Variants in ARB2A observed in about 807,000 individuals in gnomAD.
ARB2A encodes the protein cotranscriptional regulator ARB2A.
chr5:93,986,764 A>G, the ARB2A span, among the ~76,000 whole-genome samples: 1 of 152,198 alleles, frequency 6.6e-6, no homozygotes, highest in Non-Finnish European at 1.5e-5. Flanking sequence ...TCAGGGTTAA[A>G]TGGATTAAGG....
chr5:93,849,947 T>G, the ARB2A span, among the ~76,000 whole-genome samples: 1 of 152,200 alleles, frequency 6.6e-6, no homozygotes, highest in Admixed American at 6.5e-5. Context: ...TATTTGATAT[T>G]GTGCAAAATG....
chr5:93,868,295 G>A, the ARB2A span, among the ~76,000 whole-genome samples: 1 of 152,200 alleles, frequency 6.6e-6, no homozygotes, highest in African/African-American at 2.4e-5. Flanking sequence ...ACTCCAGCCT[G>A]GGTGACAGGA....
chr5:93,829,404 C>A, the ARB2A span, among the ~76,000 whole-genome samples: 1 of 152,190 alleles, frequency 6.6e-6, no homozygotes, highest in African/African-American at 2.4e-5. Context: ...CCCTACTTGT[C>A]TTCAGTACTG....
the ARB2A span, among the ~76,000 whole-genome samples, chr5:94,068,900 T>C: frequency 2.1e-5 from 3 of 144,760 alleles, no homozygotes; most frequent in Non-Finnish European, 4.5e-5. Flanking sequence ...CCAGGTGTGG[T>C]GGTGGGCACC....
At chr5:93,958,596 C>A in the ARB2A span, among the ~76,000 whole-genome samples, 10 of 151,962 alleles carry the variant, frequency 6.6e-5, no homozygotes, top group Non-Finnish European at 1.5e-4. Context: ...CTCAAGATGC[C>A]ACTTTGTGTT....
chr5:93,696,107 C>G, the ARB2A span, among the ~76,000 whole-genome samples: 1 of 152,012 alleles, frequency 6.6e-6, no homozygotes, highest in South Asian at 2.1e-4. Flanking sequence ...ATGGGTGCAG[C>G]AAACCACCGT....
At chr5:94,045,787 T>C in the ARB2A span, among the ~76,000 whole-genome samples, 7 of 152,236 alleles carry the variant, frequency 4.6e-5, no homozygotes, top group African/African-American at 1.7e-4. Flanking sequence ...GCATAAGAGA[T>C]ATACAGTAAA....
the ARB2A span, among the ~76,000 whole-genome samples, chr5:94,079,536 C>T: frequency 0.03 from 4,493 of 152,242 alleles, 207 homozygotes; most frequent in African/African-American, 0.1. Context: ...TTCTTCTATT[C>T]TACCATGTTG....
At chr5:93,895,364 A>T in the ARB2A span, among the ~76,000 whole-genome samples, 1 of 152,226 alleles carries the variant, frequency 6.6e-6, no homozygotes, top group Non-Finnish European at 1.5e-5. Context: ...ATTTGAAAAG[A>T]ACTTGAACAT....
At chr5:94,092,798 T>C in the ARB2A span, among the ~76,000 whole-genome samples, 5 of 152,302 alleles carry the variant, frequency 3.3e-5, no homozygotes, top group East Asian at 9.6e-4. Flanking sequence ...GTTTAAGTTC[T>C]ATTAGATGCT....
the ARB2A span, among the ~76,000 whole-genome samples, chr5:93,903,535 C>T: frequency 2.0e-5 from 3 of 151,904 alleles, no homozygotes; most frequent in Non-Finnish European, 2.9e-5. Flanking sequence ...GTTTCTCTGC[C>T]ATGTATTTTT....
the ARB2A span, among the ~76,000 whole-genome samples, chr5:93,992,060 T>C: frequency 6.6e-6 from 1 of 151,868 alleles, no homozygotes; most frequent in African/African-American, 2.4e-5. Context: ...AGATAAGACA[T>C]ACAACTCCTC....
chr5:93,812,865 A>C, the ARB2A span, among the ~76,000 whole-genome samples: 1 of 152,178 alleles, frequency 6.6e-6, no homozygotes, highest in Non-Finnish European at 1.5e-5. Context: ...GTATGGAAAA[A>C]CTAAGAAGAA....
chr5:93,746,704 G>A, the ARB2A span, among the ~76,000 whole-genome samples: 2 of 146,382 alleles, frequency 1.4e-5, no homozygotes, highest in Admixed American at 1.3e-4. Context: ...GCAAATCTGA[G>A]ATATTCATGA....
At chr5:93,982,331 G>T in the ARB2A span, among the ~76,000 whole-genome samples, 1 of 152,022 alleles carries the variant, frequency 6.6e-6, no homozygotes, top group Non-Finnish European at 1.5e-5. Flanking sequence ...AGATAAAATG[G>T]ATATAAATAA....
chr5:94,012,271 G>A, the ARB2A span, among the ~76,000 whole-genome samples: 3 of 152,286 alleles, frequency 2.0e-5, no homozygotes, highest in South Asian at 2.1e-4. Flanking sequence ...GCGTGGTGGT[G>A]GGTGCCTGTA....
At chr5:93,758,230 G>A in the ARB2A span, among the ~76,000 whole-genome samples, 5 of 152,008 alleles carry the variant, frequency 3.3e-5, no homozygotes, top group African/African-American at 9.7e-5. Flanking sequence ...TAACACTGGA[G>A]CTCCCAAATT....
At chr5:93,700,066 A>G in the ARB2A span, among the ~76,000 whole-genome samples, 1 of 152,170 alleles carries the variant, frequency 6.6e-6, no homozygotes, top group African/African-American at 2.4e-5. Flanking sequence ...TAAACGGAAG[A>G]ATAATTGTAT....
chr5:93,744,151 C>T, the ARB2A span, among the ~76,000 whole-genome samples: 1 of 151,974 alleles, frequency 6.6e-6, no homozygotes, highest in Non-Finnish European at 1.5e-5. Context: ...TAAAAAGTAA[C>T]CTTGGCCAGG....
Sources: allele counts gnomAD v4.1 joint callset (sites outside exome capture counted in the v4.1 genomes callset), GRCh38; gene constraint gnomAD v4.1.1; transcripts MANE v1.5; gene names NCBI Gene and HGNC (gene_info 2026-07-23, HGNC 2026-07-21).